The following IMMP2L variants were observed in gnomAD, a reference collection of about 807,000 sequenced individuals.
IMMP2L encodes the protein mitochondrial inner membrane protease subunit 2.
IMMP2L carries 18 observed loss-of-function variants against 19.3 expected under a neutral mutation model. That is an observed-to-expected ratio of 0.93 (90% CI 0.64 to 1.38). The LOEUF is 1.38. IMMP2L is among the 40% of genes most tolerant of loss of function. The pLI is 0.00. For synonymous variants in IMMP2L, 76 were observed against 73.0 expected, an observed-to-expected ratio of 1.04 and a Z score of -0.21; for missense variants, 233 against 218.2, an observed-to-expected ratio of 1.07 and a Z score of -0.43.
intron 3 of IMMP2L, among the ~76,000 whole-genome samples, chr7:111,021,369 T>C (rs1196576925): frequency 6.6e-6 from 1 of 152,246 alleles, no homozygotes. Context: ...AAACATTCTT[T>C]GTAATTTGAT....
intron 3 of IMMP2L, among the ~76,000 whole-genome samples, chr7:111,377,009 T>C (rs528693583): frequency 3.8e-4 from 58 of 152,144 alleles, no homozygotes; most frequent in African/African-American, 1.2e-3. Context: ...CTAGAAGTCA[T>C]TGAATTGTAT....
Position 111,466,173 on chromosome 7 carries a change from T to C in IMMP2L, c.239+21065A>G, listed in dbSNP as rs146708314. Among the ~76,000 whole-genome samples, 209 of 152,130 alleles carry C rather than the reference T, an allele frequency of 1.4e-3. 4 individuals carry two copies. The East Asian group carries it at 0.038, about 28-fold the overall frequency. On this transcript the variant is annotated intron_variant, in intron 3 of 5. Transcript: ENST00000405709. ...GGGAACATCACACACTGTGGCCTGTTGTGGGGTGGAGGGAGCGGGGAGGGA... is the reference window on the plus strand; with the variant it reads ...GGGAACATCACACACTGTGGCCTGTCGTGGGGTGGAGGGAGCGGGGAGGGA...
chr7:110,838,298 C>T (rs974263812), intron 5 of IMMP2L, among the ~76,000 whole-genome samples: 20 of 152,094 alleles, frequency 1.3e-4, no homozygotes, highest in South Asian at 2.1e-4. Flanking sequence ...TAGAAGTAGA[C>T]GTTTTATTAT....
chr7:111,270,209 A>T (rs993109061), intron 3 of IMMP2L, among the ~76,000 whole-genome samples: 5 of 152,052 alleles, frequency 3.3e-5, no homozygotes, highest in Admixed American at 6.6e-5. Flanking sequence ...TTAAAAAAAT[A>T]AAAAACTATT....
chr7:110,700,343 A>G (rs963462027), intron 5 of IMMP2L, among the ~76,000 whole-genome samples: 2 of 126,326 alleles, frequency 1.6e-5, no homozygotes, highest in Admixed American at 8.5e-5. Context: ...CTGAAGTTTC[A>G]GCTTTGGTCA....
chr7:111,459,941 G>A (rs1839995581), intron 3 of IMMP2L, among the ~76,000 whole-genome samples: 3 of 152,106 alleles, frequency 2.0e-5, no homozygotes, highest in African/African-American at 7.2e-5. Flanking sequence ...AGCTGACTTG[G>A]AAAATCAGAG....
At chr7:110,933,520 A>G (rs1356404190) in intron 4 of IMMP2L, among the ~76,000 whole-genome samples, 1 of 152,222 alleles carries the variant, frequency 6.6e-6, no homozygotes, top group Non-Finnish European at 1.5e-5. Context: ...GAGAAATTAT[A>G]TGATGCTTTT....
chr7:111,067,882 T>C (rs967978645), intron 3 of IMMP2L, among the ~76,000 whole-genome samples: 12 of 152,052 alleles, frequency 7.9e-5, no homozygotes, highest in Admixed American at 6.5e-4. Flanking sequence ...GGAATATGCA[T>C]GGTCATAGTC....
chr7:111,178,616 A>G (rs1290696743), intron 3 of IMMP2L, among the ~76,000 whole-genome samples: 1 of 152,076 alleles, frequency 6.6e-6, no homozygotes, highest in Non-Finnish European at 1.5e-5. Flanking sequence ...TAAATATTCT[A>G]AGTCCTTTGT....
At chr7:111,289,234 C>A (rs571879776) in intron 3 of IMMP2L, among the ~76,000 whole-genome samples, 9 of 149,932 alleles carry the variant, frequency 6.0e-5, no homozygotes, top group African/African-American at 2.2e-4. Context: ...CACATGGACA[C>A]AGGAAGGGGA....
chr7:111,078,091 C>T (rs1025791761), intron 3 of IMMP2L, among the ~76,000 whole-genome samples: 1 of 152,162 alleles, frequency 6.6e-6, no homozygotes, highest in East Asian at 1.9e-4. Flanking sequence ...TCATTATTTA[C>T]TTGCACGTTT....
At chr7:111,075,672 C>T (rs1795340565) in intron 3 of IMMP2L, among the ~76,000 whole-genome samples, 1 of 152,016 alleles carries the variant, frequency 6.6e-6, no homozygotes, top group Non-Finnish European at 1.5e-5. Flanking sequence ...CTTTATTTCA[C>T]ATTAGATAAT....
intron 3 of IMMP2L, among the ~76,000 whole-genome samples, chr7:110,988,222 T>C (rs1220599635): frequency 6.6e-6 from 1 of 152,180 alleles, no homozygotes; most frequent in Non-Finnish European, 1.5e-5. Flanking sequence ...GTGCTTCAGT[T>C]TGGTAGCAGC....
chr7:110,746,912 C>A (rs762809014), intron 5 of IMMP2L, among the ~76,000 whole-genome samples: 1 of 152,078 alleles, frequency 6.6e-6, no homozygotes, highest in Non-Finnish European at 1.5e-5. Flanking sequence ...CAGTGCAGAA[C>A]TGAAGGAGAC....
chr7:110,879,242 T>C (rs1458707507), intron 5 of IMMP2L, among the ~76,000 whole-genome samples: 1 of 151,882 alleles, frequency 6.6e-6, no homozygotes, highest in Non-Finnish European at 1.5e-5. Flanking sequence ...AATGCAAAAA[T>C]TAGCCTGCTG....
chr7:110,844,081 T>C (rs1805388917), intron 5 of IMMP2L, among the ~76,000 whole-genome samples: 2 of 152,136 alleles, frequency 1.3e-5, no homozygotes, highest in South Asian at 4.1e-4. Flanking sequence ...AAAAGATCAC[T>C]GCCATTGCTG....
intron 3 of IMMP2L, among the ~76,000 whole-genome samples, chr7:111,418,668 T>C (rs2131580221): frequency 6.6e-6 from 1 of 151,978 alleles, no homozygotes; most frequent in East Asian, 1.9e-4. Context: ...CTAAGGCTTT[T>C]CTTTGAGTAA....
At chr7:111,420,146 T>G (rs1835349708) in intron 3 of IMMP2L, among the ~76,000 whole-genome samples, 1 of 151,870 alleles carries the variant, frequency 6.6e-6, no homozygotes, top group African/African-American at 2.4e-5. Flanking sequence ...ATATTTACAT[T>G]TTTATATTCA....
intron 1 of IMMP2L, among the ~76,000 whole-genome samples, chr7:111,554,956 A>G (rs1011637815): frequency 6.6e-6 from 1 of 152,142 alleles, no homozygotes; most frequent in African/African-American, 2.4e-5. Context: ...TGGAGGTTGC[A>G]AATTTTTTTT....
Sources: gnomAD v4.1 joint callset for allele counts (sites outside exome capture counted in the v4.1 genomes callset) on GRCh38, gnomAD v4.1.1 for gene constraint, MANE v1.5 for transcripts, NCBI Gene and HGNC (gene_info 2026-07-23, HGNC 2026-07-21) for gene names.